RNF175: variants seen among roughly 807,000 people sequenced by gnomAD.
RNF175 encodes the protein ring finger protein 175.
A neutral mutation model predicts 50.0 loss-of-function variants in RNF175; 38 were observed. The observed-to-expected ratio is 0.76, with a 90% confidence interval of 0.59 to 1.00. The LOEUF (loss-of-function observed/expected upper bound fraction) is 1.00, where lower values mean the gene tolerates loss of function less well. RNF175 is among the 50% of genes least tolerant of loss of function. RNF175 has a pLI of 0.00. For missense variants in RNF175, 388 were observed against 409.6 expected, an observed-to-expected ratio of 0.95 and a Z score of 0.46; for synonymous variants, 155 against 146.1, an observed-to-expected ratio of 1.06 and a Z score of -0.44.
chr4:153,755,896 G>A (rs1186018185), intron 1 of RNF175, among the ~76,000 whole-genome samples: 2 of 152,126 alleles, frequency 1.3e-5, no homozygotes, highest in Non-Finnish European at 2.9e-5. Context: ...TACTGACATA[G>A]AAATATTTTC....
chr4:153,719,693 A>ATCT (rs1365872321), intron 6 of RNF175, among the ~76,000 whole-genome samples: 2 of 152,212 alleles, frequency 1.3e-5, no homozygotes, highest in African/African-American at 2.4e-5. Flanking sequence ...TACTTTTTAT[A>ATCT]TCTTCTACTT....
chr4:153,717,534 AACAC>A (rs61710163), intron 6 of RNF175, among the ~76,000 whole-genome samples: 53 of 149,784 alleles, frequency 3.5e-4, no homozygotes, highest in East Asian at 1.4e-3. Flanking sequence ...TACACACACA[AACAC>A]ACACACACAC....
At position 153,735,851 on chromosome 4, in the gene RNF175, C is replaced by T. The variant is rs530018406; in HGVS notation, c.247-7490G>A. Among the ~76,000 whole-genome samples the T allele has an allele frequency of 2.6e-5, 4 of 152,288 alleles. No homozygotes were observed. In the East Asian group the frequency reaches 7.7e-4, roughly 29 times the overall value. On this transcript the variant is annotated intron_variant, in intron 3 of 8. Transcript: ENST00000347063. The stretch of plus-strand genomic sequence containing the variant: ...TGTATATTTACTTTGTATCTTCCAA[C>T]CTTGCTATAATCACTTATTATTTCC...
rs754091867 is a variant in RNF175 at position 153,712,509 on chromosome 4, C to CTA, written c.831_832insTA (p.Glu278Ter). Reference sequence around the variant, plus strand: ...ATCATCCTCTTCAAATCAACTTTCTCTTTGCAGTAAGGGCAAGTCTGCTTT... The same window carrying CTA: ...ATCATCCTCTTCAAATCAACTTTCTCTATTTGCAGTAAGGGCAAGTCTGCTTT... On this transcript the variant is annotated frameshift_variant, in exon 8 of 9. Transcript: ENST00000347063. LOFTEE classifies it high-confidence loss of function. 18 of 1,612,208 alleles carry CTA rather than the reference C, an allele frequency of 1.1e-5. No individual in the cohort carries two copies. In the South Asian group the frequency reaches 1.7e-4, roughly 15 times the overall value.
intron 3 of RNF175, among the ~76,000 whole-genome samples, chr4:153,741,381 G>A (rs567452733): frequency 1.1e-4 from 16 of 152,200 alleles, no homozygotes; most frequent in Non-Finnish European, 2.2e-4. Flanking sequence ...GTCAGACCCC[G>A]GTGGGGTAGC....
At chr4:153,747,922 T>C (rs1165321337) in intron 3 of RNF175, among the ~76,000 whole-genome samples, 1 of 152,228 alleles carries the variant, frequency 6.6e-6, no homozygotes, top group Non-Finnish European at 1.5e-5. Context: ...GGCTAGAAAG[T>C]ACAAGACAGA....
intron 4 of RNF175, among the ~76,000 whole-genome samples, chr4:153,725,788 T>C (rs935193411): frequency 1.3e-5 from 2 of 152,240 alleles, no homozygotes; most frequent in African/African-American, 2.4e-5. Flanking sequence ...TTGATGTTTA[T>C]TGACTTGGCA....
chr4:153,748,550 T>G (rs2127156724), intron 3 of RNF175, 95 bp downstream of exon 3: 1 of 1,199,434 alleles, frequency 8.3e-7, no homozygotes, highest in South Asian at 1.9e-5. Flanking sequence ...GGCAGTTCCT[T>G]CAAAGTGCTA....
intron 3 of RNF175, among the ~76,000 whole-genome samples, chr4:153,746,617 C>A (rs535267565): frequency 1.5e-4 from 23 of 152,022 alleles, no homozygotes; most frequent in Admixed American, 1.5e-3. Context: ...ATGCTGCATG[C>A]CCATAGCTCT....
At chr4:153,759,765 C>A in intron 1 of RNF175, 32 bp downstream of exon 1, 2 of 1,405,144 alleles carry the variant, frequency 1.4e-6, no homozygotes, top group South Asian at 1.3e-5. Context: ...CCCGGCCTGG[C>A]GTCCCCCACG....
At chr4:153,726,106 T>C (rs1281458339) in intron 4 of RNF175, among the ~76,000 whole-genome samples, 5 of 151,550 alleles carry the variant, frequency 3.3e-5, no homozygotes, top group South Asian at 4.2e-4. Flanking sequence ...TGTTTTGTTT[T>C]TGTTTTGTTT....
chr4:153,716,850 G>A (rs116249829), intron 6 of RNF175, among the ~76,000 whole-genome samples: 3,275 of 152,186 alleles, frequency 0.022, 111 homozygotes, highest in African/African-American at 0.075. Context: ...ATTGGCTGAG[G>A]TCTATGTAGA....
At chr4:153,748,463 A>C in intron 3 of RNF175, 182 bp downstream of exon 3, 1 of 507,574 alleles carries the variant, frequency 2.0e-6, no homozygotes, top group South Asian at 3.7e-5. Flanking sequence ...CTTGACAGTC[A>C]AAAATGTTTC....
chr4:153,710,734 A>G (rs1737514757), intron 8 of RNF175, among the ~76,000 whole-genome samples: 1 of 152,240 alleles, frequency 6.6e-6, no homozygotes, highest in Non-Finnish European at 1.5e-5. Context: ...ACTAGAAAAC[A>G]AGAATCAAAG....
At chr4:153,723,034 T>C (rs192165081) in intron 5 of RNF175, 3 of 180,008 alleles carry the variant, frequency 1.7e-5, no homozygotes, top group African/African-American at 7.1e-5. Flanking sequence ...CTTGAGAATT[T>C]TGTAGAAGAG....
Position 153,748,661 on chromosome 4 carries a change from T to C in RNF175, c.230A>G (p.His77Arg). 3 of 1,596,990 alleles carry C rather than the reference T, an allele frequency of 1.9e-6. No homozygotes were observed. The highest frequency in any genetic ancestry group is 2.6e-6 in the Non-Finnish European group (3 of 1,171,778). The change falls in exon 3 of 9, where the codon CAT becomes CGT. Residue 77 changes from histidine to arginine, a missense_variant. His to Arg is a conservative substitution (Grantham distance 29). Transcript: ENST00000347063. Reference sequence around the variant, plus strand: ...ATGACTCACATTGTAGGATCGGCCATGCCTCTGTCTCCACTGAACCAGCAC... The same window carrying C: ...ATGACTCACATTGTAGGATCGGCCACGCCTCTGTCTCCACTGAACCAGCAC... The part of the protein sequence containing the change: ...QIVLVQWRQR[H>R]GRSYNLVTLL...
intron 3 of RNF175, among the ~76,000 whole-genome samples, chr4:153,741,988 T>C (rs1466021994): frequency 6.6e-6 from 1 of 152,130 alleles, no homozygotes; most frequent in Non-Finnish European, 1.5e-5. Context: ...TGAGACTGAA[T>C]AGCTGGGCAT....
intron 3 of RNF175, chr4:153,745,700 T>C (rs1275324044): frequency 6.6e-6 from 1 of 152,288 alleles, no homozygotes; most frequent in African/African-American, 2.4e-5. Context: ...CAAGATTGAA[T>C]GGCTGGCATC....
At chr4:153,734,677 T>A (rs1008020119) in intron 3 of RNF175, among the ~76,000 whole-genome samples, 1 of 133,146 alleles carries the variant, frequency 7.5e-6, no homozygotes, top group Non-Finnish European at 1.6e-5. Context: ...TTTTTTTTTT[T>A]TTTTTTTTTT....
Sources: allele counts gnomAD v4.1 joint callset (sites outside exome capture counted in the v4.1 genomes callset), GRCh38; gene constraint gnomAD v4.1.1; transcripts MANE v1.5; gene names NCBI Gene and HGNC (gene_info 2026-07-23, HGNC 2026-07-21).